The following PNISR variants were observed in gnomAD, a reference collection of about 807,000 sequenced individuals.
The protein encoded by PNISR is arginine/serine-rich protein PNISR.
A neutral mutation model predicts 93.4 loss-of-function variants in PNISR; 20 were observed. The observed-to-expected ratio is 0.21, with a 90% CI of 0.15 to 0.31. PNISR has a LOEUF of 0.31. PNISR is among the 10% of genes least tolerant of loss of function. The probability of loss-of-function intolerance (pLI) is 1.00; values close to 1 mark genes in which losing one functional copy is unlikely to be tolerated. For missense variants in PNISR, 893 were observed against 985.4 expected, an observed-to-expected ratio of 0.91 and a Z score of 1.25; for synonymous variants, 305 against 306.5, an observed-to-expected ratio of 0.99 and a Z score of 0.05.
At chr6:99,409,976 G>A (rs1776696623) in intron 5 of PNISR, 1 of 152,196 alleles carries the variant, frequency 6.6e-6, no homozygotes, top group Admixed American at 6.5e-5. Flanking sequence ...AAGTATACAA[G>A]TATCTGAATA....
intron 1 of PNISR, among the ~76,000 whole-genome samples, chr6:99,420,073 C>A (rs1253327102): frequency 6.6e-6 from 1 of 152,134 alleles, no homozygotes; most frequent in Non-Finnish European, 1.5e-5. Context: ...TTAGTGGAGA[C>A]AGGGTTTCAC....
At position 99,398,635 on chromosome 6, in the gene PNISR, T is replaced by C. The variant is rs1203600319; in HGVS notation, c.*1905A>G. 6.6e-6 allele frequency: 1 copy of C among 152,140 alleles called. No homozygotes were observed. Among genetic ancestry groups the C allele is most frequent in the East Asian group, 1.9e-4 (1 of 5,198 alleles). 9.4% of individuals were successfully genotyped at this position (152,140 alleles called of 1,614,324 possible). On this transcript the variant is annotated 3_prime_UTR_variant, in exon 12 of 12. Coordinates refer to ENST00000369239, the MANE Select transcript of PNISR (RefSeq NM_032870.4). ...CTCTAGTTCATAACTTGCCCAAAAA[T>C]GTGCATATCATAGCCAACAGAATTT...
Position 99,406,073 on chromosome 6 carries a change from G to A in PNISR, c.960C>T (p.His320=), listed in dbSNP as rs1355794702. Residue 320 remains histidine (H), a synonymous_variant, in exon 8 of 12, where the codon CAC becomes CAT. Coordinates refer to ENST00000369239, the MANE Select transcript of PNISR (RefSeq NM_032870.4). ...CCTCTTCAGTCATCTCAGGGTCACT[G>A]TGCTCTTCTTGAGGAACTGGGGATG... ...RSPSPVPQEE[H]SDPEMTEEEK... is the part of the protein sequence containing the mutation. The A allele has an allele frequency of 6.2e-7, 1 of 1,611,854 alleles. No homozygotes were observed.
intron 1 of PNISR, among the ~76,000 whole-genome samples, chr6:99,423,927 T>A (rs889489964): frequency 6.6e-6 from 1 of 152,150 alleles, no homozygotes; most frequent in Non-Finnish European, 1.5e-5. Flanking sequence ...TCCCTCTGTA[T>A]CCTACTCTCT....
At chr6:99,423,471 G>A (rs1158455920) in intron 1 of PNISR, among the ~76,000 whole-genome samples, 1 of 152,266 alleles carries the variant, frequency 6.6e-6, no homozygotes, top group Non-Finnish European at 1.5e-5. Context: ...AGTATAAAAA[G>A]GGGTGGGGGA....
In PNISR at chr6:99,401,574, C is replaced by T. The variant is rs1348627903; in HGVS notation, c.1384G>A (p.Glu462Lys). ...TKEMNEFIHK[E>K]QNSLSLLEAR... is the part of the protein sequence containing the mutation. ...TCTAGTAGTGATAAACTATTTTGCT[C>T]TTTATGGATAAATTCATTCATCTCT... Residue 462 changes from glutamate (E) to lysine (K), a missense_variant, in exon 12 of 12, where the codon GAG becomes AAG. By Grantham distance (56) the Glu-to-Lys change is moderately conservative. Around this residue, in one of 3 missense-constraint regions of PNISR, gnomAD observed 866 missense variants for 935.1 expected, o/e 0.93. Coordinates refer to ENST00000369239, the MANE Select transcript of PNISR (RefSeq NM_032870.4). The T allele has an allele frequency of 6.3e-7, 1 of 1,582,016 alleles. No individual in the cohort carries two copies.
chr6:99,410,875 A>G lies in PNISR; in HGVS notation c.367T>C (p.Ser123Pro), dbSNP rs1462145722. 6 of 1,613,942 alleles carry G rather than the reference A, an allele frequency of 3.7e-6. No individual in the cohort carries two copies. Among genetic ancestry groups the G allele is most frequent in the African/African-American group, 2.7e-5 (2 of 74,910 alleles). ...TPGPMDIVPP[S>P]EDSNSQDSGE... ...CTGTCCTGACTGTTGCTGTCTTCAG[A>G]AGGAGGAACAATGTCCATTGGGCCT... Residue 123 changes from serine to proline, a missense_variant, in exon 5 of 12, where the codon TCT (serine) becomes CCT (proline). This residue lies in a region of PNISR where 866 missense variants were observed against 935.1 expected (regional missense o/e 0.93). Coordinates refer to ENST00000369239, the MANE Select transcript of PNISR (RefSeq NM_032870.4).
intron 7 of PNISR, among the ~76,000 whole-genome samples, chr6:99,407,138 G>A (rs1181307876): frequency 3.3e-5 from 5 of 151,882 alleles, no homozygotes; most frequent in African/African-American, 7.3e-5. Flanking sequence ...TGGGCAACAC[G>A]GTGAAACCCC....
At chr6:99,424,839 T>G (rs969753386) in intron 1 of PNISR, 8 of 177,146 alleles carry the variant, frequency 4.5e-5, no homozygotes, top group African/African-American at 1.9e-4. Context: ...TCAAAGGGTA[T>G]AAGCTCCAGG....
Position 99,404,702 on chromosome 6 carries a change from T to A in PNISR, c.1003A>T (p.Met335Leu). 6.7e-7 allele frequency: 1 copy of A among 1,492,050 alleles called. No individual in the cohort carries two copies. The highest frequency in any genetic ancestry group is 1.7e-5 in the Admixed American group (1 of 59,370). The allele number at this position is 1,492,050 out of a possible 1,614,324, so 92.4% of individuals were successfully genotyped here. Residue 335 changes from methionine to leucine, a missense_variant and splice_region_variant, in exon 9 of 12, where the codon ATG (methionine) becomes TTG (leucine). By Grantham distance (15) the Met-to-Leu change is conservative. Coordinates refer to ENST00000369239, the MANE Select transcript of PNISR (RefSeq NM_032870.4). ...MTEEEKEYQM[M>L]LLTKMLLTEI... ...GTTAGAAGCATTTTTGTCAGCAACA[T>A]CTAAAAAAGAGCATTTTATACAGTA... is the stretch of plus-strand genomic sequence containing the variant.
intron 5 of PNISR, 165 bp downstream of exon 5, chr6:99,410,574 CAA>C (rs1776783004): frequency 1.9e-6 from 1 of 525,918 alleles, no homozygotes. Context: ...AATCAGAAAA[CAA>C]ATTCTAATTA....
intron 5 of PNISR, 40 bp downstream of exon 5, chr6:99,410,701 G>A: frequency 5.7e-6 from 8 of 1,402,776 alleles, no homozygotes; most frequent in East Asian, 2.3e-5. Flanking sequence ...AATGGATTAC[G>A]TGCACATCTA....
At position 99,421,884 on chromosome 6, in the gene PNISR, T is replaced by C. The variant is rs145640967; in HGVS notation, c.-112+3331A>G. ...TTAAATGACAATCATTTATTTATTATTGAGAAATTCTCACTCTGTCGCCCA... is the reference window on the plus strand; with the variant it reads ...TTAAATGACAATCATTTATTTATTACTGAGAAATTCTCACTCTGTCGCCCA... On this transcript the variant is annotated intron_variant, in intron 1 of 11. Transcript: ENST00000369239. Among the ~76,000 whole-genome samples, 338 of 152,332 alleles carry C rather than the reference T, an allele frequency of 2.2e-3. 2 individuals are homozygous for C. Among genetic ancestry groups the C allele is most frequent in the African/African-American group, 7.7e-3 (321 of 41,582 alleles).
At chr6:99,405,920 T>A (rs1776107099) in intron 8 of PNISR, 111 bp downstream of exon 8, 2 of 621,448 alleles carry the variant, frequency 3.2e-6, no homozygotes, top group East Asian at 5.7e-5. Flanking sequence ...TCTCTTCAAT[T>A]AATAATACTG....
At chr6:99,417,221 A>C (rs1582835590) in intron 1 of PNISR, among the ~76,000 whole-genome samples, 1 of 152,258 alleles carries the variant, frequency 6.6e-6, no homozygotes, top group East Asian at 1.9e-4. Flanking sequence ...AAAACCATTT[A>C]AATGATGAAA....
In PNISR at chr6:99,400,838, T is replaced by C; in HGVS notation, c.2120A>G (p.Gln707Arg). The change falls in exon 12 of 12, where the codon CAG (glutamine) becomes CGG (arginine). Residue 707 changes from glutamine (Q) to arginine (R), a missense_variant. Physicochemically the swap from Gln to Arg is conservative, Grantham distance 43. Around this residue, in one of 3 missense-constraint regions of PNISR, gnomAD observed 866 missense variants for 935.1 expected, o/e 0.93. Transcript: ENST00000369239. Reference sequence around the variant, plus strand: ...TCGTTTCCTTTTTAATCTATCATCCTGACTACTGAACTTAAAATCTTTTTC... The same window carrying C: ...TCGTTTCCTTTTTAATCTATCATCCCGACTACTGAACTTAAAATCTTTTTC... ...REEKDFKFSS[Q>R]DDRLKRKRES... 6.2e-7 allele frequency: 1 copy of C among 1,610,430 alleles called. No homozygotes were observed. Among genetic ancestry groups the C allele is most frequent in the Non-Finnish European group, 8.5e-7 (1 of 1,177,444 alleles).
At chr6:99,414,009 A>G (rs1229812164) in intron 3 of PNISR, among the ~76,000 whole-genome samples, 1 of 152,230 alleles carries the variant, frequency 6.6e-6, no homozygotes, top group Non-Finnish European at 1.5e-5. Flanking sequence ...CAATCCTACA[A>G]TAGAATGATA....
intron 5 of PNISR, 176 bp from the exon 6 acceptor site, chr6:99,409,520 T>C (rs1322449590): frequency 3.8e-6 from 2 of 521,588 alleles, no homozygotes; most frequent in Non-Finnish European, 6.5e-6. Flanking sequence ...TTACTTGTCT[T>C]AAGATTTTCC....
chr6:99,403,620 G>A (rs1271405567), intron 10 of PNISR: 1 of 387,818 alleles, frequency 2.6e-6, no homozygotes, highest in Non-Finnish European at 4.6e-6. Flanking sequence ...AATAAACTAT[G>A]AATTAACCAT....
Sources: gnomAD v4.1 joint callset for allele counts (sites outside exome capture counted in the v4.1 genomes callset) on GRCh38, gnomAD v4.1.1 for gene constraint, gnomAD v4.1.1 regional missense constraint, MANE v1.5 for transcripts, NCBI Gene and HGNC (gene_info 2026-07-23, HGNC 2026-07-21) for gene names.